TMPRSS15: variants seen among roughly 807,000 people sequenced by gnomAD.
The protein encoded by TMPRSS15 is transmembrane serine protease 15, also known as enteropeptidase.
TMPRSS15 carries 128 observed loss-of-function variants against 125.3 expected under a neutral mutation model. That is an observed-to-expected ratio of 1.02 (90% CI 0.89 to 1.18). The LOEUF (loss-of-function observed/expected upper bound fraction) is 1.18. Ranked by LOEUF, TMPRSS15 falls within the 50% of genes most tolerant of loss-of-function variation. The pLI, the probability that TMPRSS15 is intolerant of heterozygous loss-of-function variation, is 0.00. For synonymous variants in TMPRSS15, 446 were observed against 423.2 expected, an observed-to-expected ratio of 1.05 and a Z score of -0.66; for missense variants, 1,283 against 1,212.7, an observed-to-expected ratio of 1.06 and a Z score of -0.86.
chr21:18,275,236 T>C lies in TMPRSS15; in HGVS notation c.2865A>G (p.Ile955Met), dbSNP rs187533923. 8.7e-6 allele frequency: 14 copies of C among 1,614,090 alleles called. No homozygotes were observed. In the East Asian group the frequency reaches 3.1e-4, roughly 36 times the overall value. Residue 955 changes from isoleucine to methionine, a missense_variant, in exon 24 of 25, where the codon ATA (isoleucine) becomes ATG (methionine). Transcript: ENST00000284885. ...MPEYNITENMICAGYEEGGID... is the reference protein window; with the variant it reads ...MPEYNITENMMCAGYEEGGID... ...TTCCTCCTTCTTCATAGCCTGCACA[T>C]ATCATATTTTCAGTAATGTTATATT...
Position 18,383,761 on chromosome 21 carries a change from A to G in TMPRSS15, c.362T>C (p.Val121Ala). ...CTGGGCAAAGAAAAGGTCAAATACG[A>G]CTATAATGCTGCCATTTCTGCAAAG... is the stretch of plus-strand genomic sequence containing the variant. ...VLQFENGSII[V>A]VFDLFFAQWV... Residue 121 changes from valine (V) to alanine (A), a missense_variant, in exon 4 of 25, where the codon GTC becomes GCC. Coordinates refer to ENST00000284885, the MANE Select transcript of TMPRSS15 (RefSeq NM_002772.3). The G allele has an allele frequency of 6.2e-7, 1 of 1,613,580 alleles. No individual in the cohort carries two copies. Among genetic ancestry groups the G allele is most frequent in the Non-Finnish European group, 8.5e-7 (1 of 1,179,766 alleles).
intron 10 of TMPRSS15, among the ~76,000 whole-genome samples, chr21:18,346,239 C>T (rs1429848088): frequency 6.6e-6 from 1 of 152,032 alleles, no homozygotes; most frequent in East Asian, 1.9e-4. Context: ...TTAGTCTAAC[C>T]ACTAATTGTC....
chr21:18,372,302 C>T lies in TMPRSS15; in HGVS notation c.555G>A (p.Leu185=). The T allele has an allele frequency of 6.2e-7, 1 of 1,613,152 alleles. No homozygotes were observed. Among genetic ancestry groups the T allele is most frequent in the Non-Finnish European group, 8.5e-7 (1 of 1,179,376 alleles). Residue 185 remains leucine, a synonymous_variant, in exon 6 of 25, where the codon CTG becomes CTA. Transcript: ENST00000284885. ...CATCAGTACAAGGACTTGAACCAGG[C>T]AGGCACTCTATTGAGACATTTCCTT... The part of the protein sequence containing the change: ...ATPGNVSIEC[L]PGSSPCTDAL...
chr21:18,359,221 C>A (rs1385027369), intron 8 of TMPRSS15, among the ~76,000 whole-genome samples: 1 of 152,000 alleles, frequency 6.6e-6, no homozygotes, highest in African/African-American at 2.4e-5. Flanking sequence ...CCAGCCCCGT[C>A]CATGTGTAAC....
intron 3 of TMPRSS15, among the ~76,000 whole-genome samples, chr21:18,388,401 G>C (rs1269754725): frequency 1.3e-5 from 2 of 152,098 alleles, no homozygotes; most frequent in African/African-American, 4.8e-5. Flanking sequence ...AGAAAAATTT[G>C]GGATTTTGGT....
chr21:18,452,671 A>G (rs1978363997), intron 1 of TMPRSS15, among the ~76,000 whole-genome samples: 1 of 152,180 alleles, frequency 6.6e-6, no homozygotes, highest in Admixed American at 6.5e-5. Flanking sequence ...AAGAGATTCA[A>G]TACAATATTT....
At chr21:18,435,193 A>T (rs1049686394) in intron 1 of TMPRSS15, among the ~76,000 whole-genome samples, 9 of 152,198 alleles carry the variant, frequency 5.9e-5, no homozygotes, top group African/African-American at 2.2e-4. Context: ...GAGAGAGGGC[A>T]TCCCTGTCTT....
In TMPRSS15 at chr21:18,413,372, CCTTCCTTT is replaced by C. The variant is rs1450434703; in HGVS notation, c.11-15051_11-15044del. On this transcript the variant is annotated intron_variant, in intron 1 of 7. Transcript: ENST00000422787. ...CCTTCCTTCCTTCCTTTCCTTCCTT[CCTTCCTTT>C]CTTTCTATCTTTCTTCTTTCTTTCT... 1.6e-3 allele frequency among the ~76,000 whole-genome samples: 221 copies of C among 136,054 alleles called. 1 individual carries two copies. The highest frequency in any genetic ancestry group is 6.0e-3 in the African/African-American group (215 of 35,780). 89.3% of individuals were successfully genotyped at this position (136,054 alleles called of 152,430 possible). A position where few individuals can be genotyped will look rare whatever the true frequency, so the allele number is the denominator to read the frequency against.
intron 15 of TMPRSS15, among the ~76,000 whole-genome samples, chr21:18,326,913 T>G (rs1256404763): frequency 6.6e-6 from 1 of 152,206 alleles, no homozygotes; most frequent in African/African-American, 2.4e-5. Context: ...TATAAAACAA[T>G]GGAGTTTATA....
intron 21 of TMPRSS15, among the ~76,000 whole-genome samples, chr21:18,291,315 C>A (rs1037215303): frequency 3.9e-5 from 6 of 152,184 alleles, no homozygotes; most frequent in African/African-American, 1.4e-4. Context: ...GAAGGTTGGC[C>A]CACACTTCCA....
intron 1 of TMPRSS15, among the ~76,000 whole-genome samples, chr21:18,474,975 C>T (rs775696804): frequency 9.2e-5 from 14 of 152,172 alleles, no homozygotes; most frequent in Admixed American, 2.0e-4. Flanking sequence ...TGAGATTATA[C>T]AGCTACGTGG....
intron 6 of TMPRSS15, among the ~76,000 whole-genome samples, chr21:18,365,474 C>T (rs1354415394): frequency 6.6e-6 from 1 of 151,046 alleles, no homozygotes; most frequent in African/African-American, 2.5e-5. Flanking sequence ...CTCTCTCTTT[C>T]TCTCTTTCTT....
At position 18,453,092 on chromosome 21, in the gene TMPRSS15, C is replaced by A. The variant is rs146998106; in HGVS notation, c.10+32707G>T. Among the ~76,000 whole-genome samples the A allele has an allele frequency of 3.7e-3, 556 of 152,322 alleles. 1 individual carries two copies. The highest frequency in any genetic ancestry group is 6.0e-3 in the Non-Finnish European group (409 of 68,022). ...CTTTATATCTTTTGAACAACTGCCA[C>A]AGTTTATAAACAACCCCACATTTTT... On this transcript the variant is annotated intron_variant, in intron 1 of 7. Transcript: ENST00000422787.
intron 6 of TMPRSS15, among the ~76,000 whole-genome samples, chr21:18,365,858 C>T (rs926963366): frequency 6.6e-6 from 1 of 151,110 alleles, no homozygotes; most frequent in African/African-American, 2.4e-5. Context: ...CCTCAGCCTC[C>T]GGAGTAGCTG....
chr21:18,450,253 A>G (rs1290986812), intron 1 of TMPRSS15, among the ~76,000 whole-genome samples: 1 of 151,556 alleles, frequency 6.6e-6, no homozygotes, highest in African/African-American at 2.4e-5. Flanking sequence ...TGCAAATTTC[A>G]TTGTTTTACA....
chr21:18,271,663 A>C (rs1054962206), intron 24 of TMPRSS15, among the ~76,000 whole-genome samples: 1 of 151,860 alleles, frequency 6.6e-6, no homozygotes, highest in African/African-American at 2.4e-5. Flanking sequence ...GGTTTGTTAC[A>C]TAGGTATACG....
At chr21:18,373,939 CCT>C in intron 5 of TMPRSS15, among the ~76,000 whole-genome samples, 1 of 152,150 alleles carries the variant, frequency 6.6e-6, no homozygotes, top group Non-Finnish European at 1.5e-5. Context: ...TAAGGCAGAG[CCT>C]CTCTCTTTTT....
chr21:18,436,119 G>C (rs2076227353), intron 1 of TMPRSS15, among the ~76,000 whole-genome samples: 1 of 151,092 alleles, frequency 6.6e-6, no homozygotes, highest in Non-Finnish European at 1.5e-5. Flanking sequence ...GGTTTTTTGT[G>C]TCTCTATTTC....
intron 1 of TMPRSS15, among the ~76,000 whole-genome samples, chr21:18,444,518 A>G (rs1022596896): frequency 1.3e-5 from 2 of 152,154 alleles, no homozygotes; most frequent in Non-Finnish European, 2.9e-5. Flanking sequence ...TAGCATTAAG[A>G]GAAATTCCTA....
Sources: gnomAD v4.1 joint callset for allele counts (sites outside exome capture counted in the v4.1 genomes callset) on GRCh38, gnomAD v4.1.1 for gene constraint, MANE v1.5 for transcripts, NCBI Gene and HGNC (gene_info 2026-07-23, HGNC 2026-07-21) for gene names.